TRAK1: variants seen among roughly 807,000 people sequenced by gnomAD.
The protein encoded by TRAK1 is trafficking kinesin protein 1.
A neutral mutation model predicts 92.1 loss-of-function variants in TRAK1; 33 were observed. The ratio of observed to expected loss-of-function variants is 0.36; its 90% confidence interval spans 0.27 to 0.48. The LOEUF (loss-of-function observed/expected upper bound fraction) is 0.48. TRAK1 is among the 20% of genes least tolerant of loss of function. TRAK1 has a pLI of 0.99. For missense variants in TRAK1, 1,123 were observed against 1,257.9 expected (o/e 0.89, Z 1.62); for synonymous variants, 521 against 517.3 (o/e 1.01, Z -0.10).
intron 2 of TRAK1, among the ~76,000 whole-genome samples, chr3:42,161,910 A>C (rs566718859): frequency 1.4e-4 from 21 of 152,310 alleles, no homozygotes; most frequent in Admixed American, 2.0e-4. Context: ...CCCTTGTAGA[A>C]CTAGGGCTCC....
chr3:42,095,812 C>A (rs1354541444), intron 1 of TRAK1, among the ~76,000 whole-genome samples: 1 of 152,122 alleles, frequency 6.6e-6, no homozygotes, highest in Non-Finnish European at 1.5e-5. Context: ...ATGTTGAAAC[C>A]TAATCAGCAG....
chr3:42,187,611 G>C (rs1705082419), intron 4 of TRAK1, among the ~76,000 whole-genome samples: 1 of 152,060 alleles, frequency 6.6e-6, no homozygotes, highest in Non-Finnish European at 1.5e-5. Flanking sequence ...GGGATTACAG[G>C]CACATGCCAC....
chr3:42,066,679 T>G (rs547502291), intron 1 of TRAK1, among the ~76,000 whole-genome samples: 1 of 152,344 alleles, frequency 6.6e-6, no homozygotes, highest in South Asian at 2.1e-4. Context: ...CCTATCTTGC[T>G]ATTACTTTTA....
intron 1 of TRAK1, among the ~76,000 whole-genome samples, chr3:42,032,090 A>G (rs1702167306): frequency 1.3e-5 from 2 of 152,178 alleles, no homozygotes; most frequent in South Asian, 4.1e-4. Context: ...CTGAGTCAGG[A>G]GTGCTTAGCG....
chr3:42,202,475 C>T lies in TRAK1; in HGVS notation c.1467C>T (p.Thr489=). The T allele has an allele frequency of 6.7e-7, 1 of 1,498,218 alleles. No homozygotes were observed. Among genetic ancestry groups the T allele is most frequent in the Non-Finnish European group, 8.9e-7 (1 of 1,120,762 alleles). The allele number at this position is 1,498,218 out of a possible 1,614,324, so 92.8% of individuals were successfully genotyped here. A position where few individuals can be genotyped will look rare whatever the true frequency, so the allele number is the denominator to read the frequency against. Residue 489 remains threonine (T), a synonymous_variant, in exon 13 of 16, where the codon ACC becomes ACT. Transcript: ENST00000327628. This position sits in a 1 kb window ranked among gnomAD's most constrained non-coding sequence, Gnocchi z 6.1. ...GTAAGAAGCCGGGGACGCCGGGCAC[C>T]CCAGGCTCCCACGACCTGGAGACGG... ...ERSKKPGTPG[T]PGSHDLETAL...
intron 1 of TRAK1, among the ~76,000 whole-genome samples, chr3:42,093,649 C>CCCCTTCCCTTCCCTTCCCTTCCCTT (rs1553713246): frequency 0.026 from 1,071 of 40,584 alleles, 309 homozygotes; most frequent in Non-Finnish European, 0.037. Flanking sequence ...TCTTTTTTCT[C>CCCCTTCCCTTCCCTTCCCTTCCCTT]CCCTTCCCTT....
intron 2 of TRAK1, among the ~76,000 whole-genome samples, chr3:42,151,885 T>C (rs558736186): frequency 9.4e-4 from 143 of 152,210 alleles, no homozygotes; most frequent in Non-Finnish European, 1.8e-3. Flanking sequence ...TGAGGGAAGC[T>C]TTTACAGAAC....
At chr3:42,061,667 G>T (rs1020645542) in intron 1 of TRAK1, among the ~76,000 whole-genome samples, 1 of 152,080 alleles carries the variant, frequency 6.6e-6, no homozygotes, top group Non-Finnish European at 1.5e-5. Flanking sequence ...AAATACAAGA[G>T]AATTTGGGAA....
intron 12 of TRAK1, among the ~76,000 whole-genome samples, chr3:42,201,758 G>A (rs1331472597): frequency 6.6e-6 from 1 of 152,026 alleles, no homozygotes; most frequent in Non-Finnish European, 1.5e-5. Flanking sequence ...TGGTCACAAG[G>A]TTCAGAGGGT....
intron 1 of TRAK1, among the ~76,000 whole-genome samples, chr3:42,050,207 T>G (rs1702926028): frequency 7.2e-6 from 1 of 138,756 alleles, no homozygotes; most frequent in Non-Finnish European, 1.6e-5. Flanking sequence ...GAGTCGGGGG[T>G]CTTACACTGC....
At chr3:42,215,122 ACT>A (rs1491241231) in intron 14 of TRAK1, among the ~76,000 whole-genome samples, 2 of 152,270 alleles carry the variant, frequency 1.3e-5, no homozygotes, top group East Asian at 3.9e-4. Flanking sequence ...TCATCATAGA[ACT>A]TTTTTTCCCC....
At chr3:42,017,573 G>A (rs1701573626) in intron 1 of TRAK1, among the ~76,000 whole-genome samples, 1 of 152,190 alleles carries the variant, frequency 6.6e-6, no homozygotes, top group Non-Finnish European at 1.5e-5. Context: ...GCCACTTGCA[G>A]TGTTGAAAAG....
At chr3:42,036,410 G>A (rs1702327687) in intron 1 of TRAK1, among the ~76,000 whole-genome samples, 1 of 152,132 alleles carries the variant, frequency 6.6e-6, no homozygotes, top group African/African-American at 2.4e-5. Flanking sequence ...CATGATACCC[G>A]GTGTGTGTTC....
chr3:42,217,243 G>A (rs902729541), intron 14 of TRAK1: 3 of 985,222 alleles, frequency 3.0e-6, no homozygotes. Context: ...GTGTCTCAAG[G>A]AAGGGAGGTG....
At position 42,125,443 on chromosome 3, in the gene TRAK1, C is replaced by A; in HGVS notation, c.115C>A (p.Pro39Thr). 6.2e-7 allele frequency: 1 copy of A among 1,614,156 alleles called. No individual in the cohort carries two copies. ...AGATGTGTGCAACAGCACCGATCTT[C>A]CGGAAGTCGAGATCATTAGCCTGCT... Reference protein sequence around the residue: ...ACDVCNSTDLPEVEIISLLEE... With the variant: ...ACDVCNSTDLTEVEIISLLEE... The change falls in exon 2 of 16, where the codon CCG becomes ACG. Residue 39 changes from proline (P) to threonine (T), a missense_variant. Transcript: ENST00000327628.
chr3:42,117,957 T>A (rs1180594762), intron 1 of TRAK1, among the ~76,000 whole-genome samples: 2 of 152,126 alleles, frequency 1.3e-5, no homozygotes. Flanking sequence ...GTAGCTGGGA[T>A]TACAGGCACG....
chr3:42,112,853 C>A (rs1396087344), intron 1 of TRAK1, among the ~76,000 whole-genome samples: 2 of 152,066 alleles, frequency 1.3e-5, no homozygotes, highest in Non-Finnish European at 2.9e-5. Flanking sequence ...TCACTGCATC[C>A]TCTAACTGCT....
chr3:42,042,908 G>A (rs957329197), intron 1 of TRAK1, among the ~76,000 whole-genome samples: 3 of 152,010 alleles, frequency 2.0e-5, no homozygotes, highest in Admixed American at 2.0e-4. Flanking sequence ...ACCTGTCATG[G>A]TCTGGACGTG....
intron 3 of TRAK1, 79 bp from the exon 4 acceptor site, chr3:42,184,606 C>A: frequency 1.5e-6 from 2 of 1,335,842 alleles, no homozygotes; most frequent in South Asian, 1.3e-5. Context: ...ATGTTTTCCT[C>A]ATTTGACACT....
Sources: allele counts gnomAD v4.1 joint callset (sites outside exome capture counted in the v4.1 genomes callset), GRCh38; gene constraint gnomAD v4.1.1; non-coding constraint Gnocchi (gnomAD v3.1); transcripts MANE v1.5; gene names NCBI Gene and HGNC (gene_info 2026-07-23, HGNC 2026-07-21).